KCNV2: variants seen among roughly 807,000 people sequenced by gnomAD.
KCNV2 encodes potassium voltage-gated channel modifier subfamily V member 2.
In KCNV2, 65 loss-of-function variants were observed where a neutral mutation model predicts 37.0. The ratio of observed to expected loss-of-function variants is 1.76; its 90% CI spans 1.44 to 2.16. The LOEUF (loss-of-function observed/expected upper bound fraction) is 2.16. KCNV2 is among the 30% of genes most tolerant of loss of function. KCNV2 has a pLI of 0.00. For missense variants in KCNV2, 1,232 were observed against 766.7 expected, an observed-to-expected ratio of 1.61 and a Z score of -7.17; for synonymous variants, 518 against 328.6, an observed-to-expected ratio of 1.58 and a Z score of -6.23.
intron 1 of KCNV2, among the ~76,000 whole-genome samples, chr9:2,719,756 G>A (rs888248648): frequency 6.6e-6 from 1 of 152,222 alleles, no homozygotes; most frequent in Non-Finnish European, 1.5e-5. Flanking sequence ...AGGTGGCAAA[G>A]CCAGAACTGA....
At chr9:2,723,894 A>G (rs1819924900) in intron 1 of KCNV2, among the ~76,000 whole-genome samples, 1 of 151,826 alleles carries the variant, frequency 6.6e-6, no homozygotes, top group Admixed American at 6.6e-5. Flanking sequence ...ACAGCTAAAC[A>G]AGAACAATGG....
At chr9:2,720,783 T>C (rs943324695) in intron 1 of KCNV2, among the ~76,000 whole-genome samples, 2 of 152,224 alleles carry the variant, frequency 1.3e-5, no homozygotes, top group African/African-American at 4.8e-5. Context: ...TTTCGACCTT[T>C]TGTATATTAA....
At chr9:2,719,230 G>A in intron 1 of KCNV2, 135 bp downstream of exon 1, 1 of 963,102 alleles carries the variant, frequency 1.0e-6, no homozygotes, top group Non-Finnish European at 1.6e-6. Context: ...GCCGCATACA[G>A]CTAACAAAAC....
intron 1 of KCNV2, among the ~76,000 whole-genome samples, chr9:2,722,172 G>GTTAT (rs200378501): frequency 2.5e-5 from 3 of 122,044 alleles, no homozygotes; most frequent in African/African-American, 1.3e-4. Flanking sequence ...TAAATTAGAA[G>GTTAT]TTATTTATAA....
At chr9:2,724,459 A>C (rs1054619278) in intron 1 of KCNV2, among the ~76,000 whole-genome samples, 5 of 152,254 alleles carry the variant, frequency 3.3e-5, no homozygotes, top group African/African-American at 1.2e-4. Flanking sequence ...AGAAGAAGAA[A>C]AAAAAGAAGA....
Position 2,718,803 on chromosome 9 carries a change from T to C in KCNV2, c.1064T>C (p.Phe355Ser), listed in dbSNP as rs1234497359. The C allele has an allele frequency of 5.0e-6, 8 of 1,610,524 alleles. No individual in the cohort carries two copies. Among genetic ancestry groups the C allele is most frequent in the Non-Finnish European group, 5.9e-6 (7 of 1,179,896 alleles). The change falls in exon 1 of 2, where the codon TTC becomes TCC. Residue 355 changes from phenylalanine to serine, a missense_variant. By Grantham distance (155) the Phe-to-Ser change is radical. Coordinates refer to ENST00000382082, the MANE Select transcript of KCNV2 (RefSeq NM_133497.4). Reference protein sequence around the residue: ...PLYLQLLLECFTGEGHQRGQT... With the variant: ...PLYLQLLLECSTGEGHQRGQT... ...TACCTTCAGCTGCTGCTCGAGTGCT[T>C]CACGGGCGAGGGCCACCAACGCGGC...
At chr9:2,720,634 A>G (rs1819849205) in intron 1 of KCNV2, 1 of 152,254 alleles carries the variant, frequency 6.6e-6, no homozygotes, top group African/African-American at 2.4e-5. Context: ...AAAGCAGAAG[A>G]GTAAATCCAC....
chr9:2,722,080 AGAAG>A (rs1273810833), intron 1 of KCNV2, among the ~76,000 whole-genome samples: 5 of 134,772 alleles, frequency 3.7e-5, no homozygotes, highest in Non-Finnish European at 6.4e-5. Flanking sequence ...TAAATAAATT[AGAAG>A]TTATTTATAA....
At position 2,718,343 on chromosome 9, in the gene KCNV2, T is replaced by A; in HGVS notation, c.604T>A (p.Cys202Ser). The change falls in exon 1 of 2, where the codon TGC (cysteine) becomes AGC (serine). Residue 202 changes from cysteine (C) to serine (S), a missense_variant. Physicochemically the swap from Cys to Ser is moderately radical, Grantham distance 112. Coordinates refer to ENST00000382082, the MANE Select transcript of KCNV2 (RefSeq NM_133497.4). ...LKYTPRCCRI[C>S]FEERRDELSE... ...GTACACGCCACGCTGCTGCCGCATC[T>A]GCTTCGAGGAGCGGCGCGACGAGCT... The A allele has an allele frequency of 6.2e-7, 1 of 1,602,974 alleles. No homozygotes were observed. Among genetic ancestry groups the A allele is most frequent in the South Asian group, 1.1e-5 (1 of 89,984 alleles).
At chr9:2,727,101 G>A (rs1819980614) in intron 1 of KCNV2, among the ~76,000 whole-genome samples, 1 of 152,106 alleles carries the variant, frequency 6.6e-6, no homozygotes, top group Non-Finnish European at 1.5e-5. Context: ...CTCCTCCAGG[G>A]AAGGTTGACT....
rs769079917 is a variant in KCNV2, at chr9:2,717,835, C to A, written c.96C>A (p.Ser32=). ...GCCAACACCGCAGGAGCATTTGCTC[C>A]CTGGGTGCCCGTTCCGGCTCCCAGG... is the stretch of plus-strand genomic sequence containing the variant. The part of the protein sequence containing the change: ...EGSQHRRSIC[S]LGARSGSQAS... The change falls in exon 1 of 2, where the codon TCC becomes TCA. Residue 32 remains serine (S), a synonymous_variant. Transcript: ENST00000382082. 6.2e-7 allele frequency: 1 copy of A among 1,614,230 alleles called. No homozygotes were observed. Among genetic ancestry groups the A allele is most frequent in the Non-Finnish European group, 8.5e-7 (1 of 1,180,038 alleles).
Position 2,718,850 on chromosome 9 carries a change from A to AAGGTGGGTC in KCNV2, c.1117_1125dup (p.Gly373_Val375dup). On this transcript the variant is annotated inframe_insertion, in exon 1 of 2. Transcript: ENST00000382082. Reference sequence around the variant, plus strand: ...CGGCCAGACGGTGGGCAGCGTGGGTAAGGTGGGTCAGGTGTTGCGCGTCAT... The same window carrying AAGGTGGGTC: ...CGGCCAGACGGTGGGCAGCGTGGGTAAGGTGGGTCAGGTGGGTCAGGTGTTGCGCGTCAT... The AAGGTGGGTC allele has an allele frequency of 1.2e-6, 2 of 1,609,382 alleles. No homozygotes were observed. The highest frequency in any genetic ancestry group is 1.7e-6 in the Non-Finnish European group (2 of 1,179,936).
chr9:2,718,812 A>G lies in KCNV2; in HGVS notation c.1073A>G (p.Glu358Gly). The G allele has an allele frequency of 6.2e-7, 1 of 1,610,324 alleles. No individual in the cohort carries two copies. Among genetic ancestry groups the G allele is most frequent in the Non-Finnish European group, 8.5e-7 (1 of 1,179,890 alleles). Residue 358 changes from glutamate to glycine, a missense_variant, in exon 1 of 2, where the codon GAG becomes GGG. By Grantham distance (98) the Glu-to-Gly change is moderately conservative. Coordinates refer to ENST00000382082, the MANE Select transcript of KCNV2 (RefSeq NM_133497.4). ...CTGCTGCTCGAGTGCTTCACGGGCG[A>G]GGGCCACCAACGCGGCCAGACGGTG... ...LQLLLECFTG[E>G]GHQRGQTVGS...
At chr9:2,725,931 G>A (rs1819961559) in intron 1 of KCNV2, among the ~76,000 whole-genome samples, 1 of 152,214 alleles carries the variant, frequency 6.6e-6, no homozygotes, top group Admixed American at 6.5e-5. Flanking sequence ...ACTGCCAGGG[G>A]AAGGTCACAT....
chr9:2,724,399 A>T (rs1819935512), intron 1 of KCNV2, among the ~76,000 whole-genome samples: 1 of 152,250 alleles, frequency 6.6e-6, no homozygotes, highest in Non-Finnish European at 1.5e-5. Context: ...CAAGGTGAAT[A>T]TTTCAAACAG....
chr9:2,717,754 TG>T lies in KCNV2; in HGVS notation c.16del (p.Glu6ArgfsTer94). On this transcript the variant is annotated frameshift_variant, in exon 1 of 2. Coordinates refer to ENST00000382082, the MANE Select transcript of KCNV2 (RefSeq NM_133497.4). LOFTEE classifies it high-confidence loss of function. Reference sequence around the variant, plus strand: ...TTTCCGCAGCCATGCTCAAACAGAGTGAGAGGAGACGGTCCTGGAGCTACAG... The same window carrying T: ...TTTCCGCAGCCATGCTCAAACAGAGTAGAGGAGACGGTCCTGGAGCTACAG... Reference protein sequence around the residue: MLKQSERRRSWSYRPW... With the variant: MLKQSXRRRSWSYRPW... 3.1e-6 allele frequency: 5 copies of T among 1,612,898 alleles called. No homozygotes were observed. Among genetic ancestry groups the T allele is most frequent in the Non-Finnish European group, 4.2e-6 (5 of 1,179,698 alleles).
chr9:2,729,361 G>A, intron 1 of KCNV2, 85 bp from the exon 2 acceptor site: 4 of 1,476,746 alleles, frequency 2.7e-6, no homozygotes, highest in Admixed American at 1.7e-5. Context: ...CCACAGGGAG[G>A]ACGCTTCCCT....
At position 2,718,256 on chromosome 9, in the gene KCNV2, C is replaced by A. The variant is rs760750739; in HGVS notation, c.517C>A (p.Leu173Ile). 1.3e-5 allele frequency: 21 copies of A among 1,612,808 alleles called. No individual in the cohort carries two copies. The Admixed American group carries it at 3.2e-4, about 24-fold the overall frequency. ...NFYLSGVLLV[L>I]DGLCPRRFLE... is the part of the protein sequence containing the mutation. ...CTACCTGTCCGGGGTGCTGCTGGTG[C>A]TCGACGGGCTGTGTCCGCGCCGCTT... The change falls in exon 1 of 2, where the codon CTC (leucine) becomes ATC (isoleucine). Residue 173 changes from leucine (L) to isoleucine (I), a missense_variant. Physicochemically the swap from Leu to Ile is conservative, Grantham distance 5. Coordinates refer to ENST00000382082, the MANE Select transcript of KCNV2 (RefSeq NM_133497.4).
intron 1 of KCNV2, among the ~76,000 whole-genome samples, chr9:2,719,616 T>C (rs1424019734): frequency 6.6e-6 from 1 of 152,180 alleles, no homozygotes; most frequent in Admixed American, 6.5e-5. Flanking sequence ...AATCTGAGTG[T>C]GGAAAGAAGC....
Sources: gnomAD v4.1 joint callset for allele counts (sites outside exome capture counted in the v4.1 genomes callset) on GRCh38, gnomAD v4.1.1 for gene constraint, MANE v1.5 for transcripts, NCBI Gene and HGNC (gene_info 2026-07-23, HGNC 2026-07-21) for gene names.